The following CDH9 variants were observed in gnomAD, a reference collection of about 807,000 sequenced individuals.
CDH9 encodes cadherin-9.
CDH9 carries 28 observed loss-of-function variants against 70.9 expected under a neutral mutation model. That is an observed-to-expected ratio of 0.40 (90% CI 0.29 to 0.54). The LOEUF (loss-of-function observed/expected upper bound fraction) is 0.54, where lower values mean the gene tolerates loss of function less well. Ranked by LOEUF, CDH9 falls within the 20% of genes least tolerant of loss-of-function variation. The pLI is 0.59. For synonymous variants in CDH9, 409 were observed against 343.1 expected (o/e 1.19, Z -2.12); for missense variants, 874 against 984.4 (o/e 0.89, Z 1.50).
At chr5:26,890,076 G>GAGATATTCATCAGCAGC in intron 8 of CDH9, 119 bp from the exon 9 acceptor site, 2 of 856,798 alleles carry the variant, frequency 2.3e-6, no homozygotes, top group Middle Eastern at 2.2e-4. Context: ...CAATTGGGCT[G>GAGATATTCATCAGCAGC]CTGATGAATA....
chr5:26,934,740 G>A (rs971538065), intron 2 of CDH9, among the ~76,000 whole-genome samples: 10 of 152,068 alleles, frequency 6.6e-5, no homozygotes, highest in African/African-American at 2.4e-4. Flanking sequence ...GGCTTACAGA[G>A]AAAATGAATT....
At chr5:26,948,006 G>T (rs11957500) in intron 2 of CDH9, among the ~76,000 whole-genome samples, 1 of 151,896 alleles carries the variant, frequency 6.6e-6, no homozygotes, top group East Asian at 1.9e-4. Context: ...ACCGAGAGTC[G>T]AAACTTCTCC....
chr5:26,883,045 A>G (rs111335682), intron 11 of CDH9, among the ~76,000 whole-genome samples: 2 of 14,210 alleles, frequency 1.4e-4, no homozygotes, highest in African/African-American at 3.1e-4. Flanking sequence ...ATCATCTTAT[A>G]TATATATATA....
chr5:26,954,415 C>T lies in CDH9; in HGVS notation c.228+33691G>A, dbSNP rs1467509955. Among the ~76,000 whole-genome samples, 14 of 42,722 alleles carry T rather than the reference C, an allele frequency of 3.3e-4. 1 individual carries two copies. Among genetic ancestry groups the T allele is most frequent in the African/African-American group, 1.7e-3 (12 of 7,138 alleles). 28.0% of individuals were successfully genotyped at this position (42,722 alleles called of 152,430 possible). On this transcript the variant is annotated intron_variant, in intron 2 of 11. Transcript: ENST00000231021. Reference sequence around the variant, plus strand: ...TTTTTTTTTTTTTGAGACATAGTCTCGCTCTGTTGCCCAGGCTGGAGTGCA... The same window carrying T: ...TTTTTTTTTTTTTGAGACATAGTCTTGCTCTGTTGCCCAGGCTGGAGTGCA...
chr5:27,033,930 C>T (rs1335709561), intron 1 of CDH9, among the ~76,000 whole-genome samples: 2 of 151,456 alleles, frequency 1.3e-5, no homozygotes, highest in Admixed American at 1.3e-4. Context: ...CTGGATTACA[C>T]TTTGTTATAT....
chr5:26,961,806 G>T (rs1303563992), intron 2 of CDH9, among the ~76,000 whole-genome samples: 1 of 152,068 alleles, frequency 6.6e-6, no homozygotes, highest in Non-Finnish European at 1.5e-5. Flanking sequence ...AGCACCATGA[G>T]TGCATTATCC....
intron 2 of CDH9, among the ~76,000 whole-genome samples, chr5:26,963,999 A>T (rs574642597): frequency 6.6e-6 from 1 of 152,196 alleles, no homozygotes; most frequent in African/African-American, 2.4e-5. Context: ...CAGATTTAAC[A>T]TTAACCTTTT....
At chr5:26,953,753 T>A (rs978525432) in intron 2 of CDH9, among the ~76,000 whole-genome samples, 1 of 152,188 alleles carries the variant, frequency 6.6e-6, no homozygotes, top group African/African-American at 2.4e-5. Context: ...AACATTTAAG[T>A]GCAAGCCACC....
intron 1 of CDH9, among the ~76,000 whole-genome samples, chr5:27,030,978 T>C (rs940735406): frequency 1.3e-5 from 2 of 151,894 alleles, no homozygotes; most frequent in Non-Finnish European, 2.9e-5. Flanking sequence ...AATCCTAACT[T>C]ATATGCTTTC....
intron 10 of CDH9, 28 bp from the exon 11 acceptor site, chr5:26,885,893 A>G: frequency 6.8e-6 from 11 of 1,607,338 alleles, no homozygotes; most frequent in Non-Finnish European, 9.3e-6. Context: ...TAAAAAAACA[A>G]AAACTTTCAT....
chr5:27,029,210 A>T (rs1415236857), intron 1 of CDH9, among the ~76,000 whole-genome samples: 1 of 152,030 alleles, frequency 6.6e-6, no homozygotes, highest in East Asian at 1.9e-4. Flanking sequence ...TAGCATAATT[A>T]TTGTGTTAAT....
intron 3 of CDH9, among the ~76,000 whole-genome samples, chr5:26,910,873 G>T (rs753914461): frequency 6.6e-6 from 1 of 152,160 alleles, no homozygotes; most frequent in Admixed American, 6.5e-5. Context: ...GAGGAGCAGG[G>T]GTAAACAGTG....
intron 1 of CDH9, among the ~76,000 whole-genome samples, chr5:27,026,880 A>G (rs1054604103): frequency 2.6e-5 from 4 of 152,000 alleles, no homozygotes; most frequent in African/African-American, 9.7e-5. Flanking sequence ...TGTTAGAATC[A>G]TATTTTTCAA....
At chr5:27,019,849 A>G (rs1414280806) in intron 1 of CDH9, among the ~76,000 whole-genome samples, 2 of 151,922 alleles carry the variant, frequency 1.3e-5, no homozygotes, top group Non-Finnish European at 2.9e-5. Flanking sequence ...ATTTCTCTAC[A>G]TGCAAAATTC....
chr5:26,990,404 A>C (rs1228065494), intron 1 of CDH9, among the ~76,000 whole-genome samples: 2 of 152,136 alleles, frequency 1.3e-5, no homozygotes, highest in African/African-American at 2.4e-5. Context: ...CTTAATACAT[A>C]TATATGGTTA....
chr5:26,927,631 A>G (rs1741365883), intron 2 of CDH9, among the ~76,000 whole-genome samples: 1 of 152,084 alleles, frequency 6.6e-6, no homozygotes, highest in South Asian at 2.1e-4. Flanking sequence ...GCTACTGAGA[A>G]CTATGTCTAG....
chr5:26,915,281 C>G (rs1352646025), intron 3 of CDH9, among the ~76,000 whole-genome samples: 11 of 151,958 alleles, frequency 7.2e-5, no homozygotes, highest in Admixed American at 2.0e-4. Context: ...CAAAATAATG[C>G]AAGCAAAATT....
chr5:27,021,658 G>A (rs1406926723), intron 1 of CDH9, among the ~76,000 whole-genome samples: 2 of 151,848 alleles, frequency 1.3e-5, no homozygotes, highest in African/African-American at 4.8e-5. Context: ...AAGAGATCCT[G>A]TATGCTAATT....
intron 1 of CDH9, among the ~76,000 whole-genome samples, chr5:27,034,780 A>G (rs1168865650): frequency 6.6e-6 from 1 of 151,722 alleles, no homozygotes; most frequent in Non-Finnish European, 1.5e-5. Context: ...TAATGTGGCT[A>G]GAAGACTATG....
Sources: allele counts gnomAD v4.1 joint callset (sites outside exome capture counted in the v4.1 genomes callset), GRCh38; gene constraint gnomAD v4.1.1; transcripts MANE v1.5; gene names NCBI Gene and HGNC (gene_info 2026-07-23, HGNC 2026-07-21).